Variants in VPS35L observed in about 807,000 individuals in gnomAD.
VPS35L encodes VPS35 endosomal protein sorting factor like.
In VPS35L, 83 loss-of-function variants were observed where a neutral mutation model predicts 133.0. The ratio of observed to expected loss-of-function variants is 0.62; its 90% CI spans 0.52 to 0.75. VPS35L has a LOEUF of 0.75. VPS35L is among the 30% of genes least tolerant of loss of function. The probability of loss-of-function intolerance (pLI) is 0.00; values close to 1 mark genes in which losing one functional copy is unlikely to be tolerated. For missense variants in VPS35L, 1,083 were observed against 1,206.8 expected (o/e 0.90, Z 1.52); for synonymous variants, 423 against 449.9 (o/e 0.94, Z 0.76).
At chr16:19,658,690 A>G (rs1003876958) in intron 26 of VPS35L, among the ~76,000 whole-genome samples, 2 of 151,948 alleles carry the variant, frequency 1.3e-5, no homozygotes, top group Admixed American at 1.3e-4. Flanking sequence ...GAAAGAGGAA[A>G]AAAAAAAAGA....
At chr16:19,696,673 G>C (rs1370068832) in intron 29 of VPS35L, among the ~76,000 whole-genome samples, 1 of 151,938 alleles carries the variant, frequency 6.6e-6, no homozygotes, top group East Asian at 1.9e-4. Context: ...ATATCAGCTG[G>C]CATGTGTCTC....
chr16:19,595,832 A>G (rs1972197553), intron 8 of VPS35L, among the ~76,000 whole-genome samples: 1 of 152,182 alleles, frequency 6.6e-6, no homozygotes, highest in Admixed American at 6.5e-5. Flanking sequence ...CCTTGGACAG[A>G]CTGTTTAGGT....
chr16:19,566,487 CT>C (rs1301456599), intron 2 of VPS35L, among the ~76,000 whole-genome samples: 8 of 152,102 alleles, frequency 5.3e-5, no homozygotes, highest in South Asian at 2.1e-4. Flanking sequence ...CAGAGAGAAA[CT>C]CCATCTCAAA....
chr16:19,608,296 G>A, intron 10 of VPS35L, 22 bp downstream of exon 10: 1 of 1,361,372 alleles, frequency 7.3e-7, no homozygotes, highest in Non-Finnish European at 1.0e-6. Flanking sequence ...TTTTTTTTTG[G>A]TCTGATGATT....
chr16:19,637,004 GA>G (rs1973642503), intron 19 of VPS35L, among the ~76,000 whole-genome samples: 1 of 152,212 alleles, frequency 6.6e-6, no homozygotes, highest in South Asian at 2.1e-4. Flanking sequence ...CGATGATGTA[GA>G]ATAGGGATTG....
intron 9 of VPS35L, 48 bp downstream of exon 9, chr16:19,601,771 A>C: frequency 6.3e-7 from 1 of 1,580,468 alleles, no homozygotes; most frequent in Non-Finnish European, 8.7e-7. Flanking sequence ...TGGAGTCAGG[A>C]CTAGAAGGCT....
intron 30 of VPS35L, 49 bp from the exon 31 acceptor site, chr16:19,700,329 C>T (rs1391959106): frequency 2.6e-6 from 4 of 1,523,698 alleles, no homozygotes; most frequent in Non-Finnish European, 3.6e-6. Flanking sequence ...GCCTTGGGCT[C>T]CAAGGATAAT....
chr16:19,588,981 A>G (rs954507696), intron 7 of VPS35L, among the ~76,000 whole-genome samples: 10 of 152,152 alleles, frequency 6.6e-5, no homozygotes, highest in African/African-American at 2.4e-4. Context: ...TTTTCCAGTC[A>G]TATTTTCTTG....
intron 3 of VPS35L, 72 bp from the exon 4 acceptor site, chr16:19,573,047 C>T: frequency 6.8e-7 from 1 of 1,480,218 alleles, no homozygotes; most frequent in Non-Finnish European, 9.2e-7. Flanking sequence ...TATCTGGCTT[C>T]TATTTATATA....
At chr16:19,596,430 A>T (rs1972217930) in intron 8 of VPS35L, among the ~76,000 whole-genome samples, 1 of 150,256 alleles carries the variant, frequency 6.7e-6, no homozygotes, top group African/African-American at 2.4e-5. Context: ...GTGTGCCACC[A>T]TGCCCAGCGA....
intron 26 of VPS35L, among the ~76,000 whole-genome samples, chr16:19,667,577 T>G (rs1478289960): frequency 6.6e-6 from 1 of 151,666 alleles, no homozygotes; most frequent in Admixed American, 6.6e-5. Context: ...CTACAAAAAA[T>G]ACAAAAATTA....
intron 12 of VPS35L, among the ~76,000 whole-genome samples, chr16:19,614,821 G>A (rs944037775): frequency 2.6e-5 from 4 of 152,154 alleles, no homozygotes; most frequent in East Asian, 1.9e-4. Flanking sequence ...ACTCCCCTCC[G>A]TAGCTCATCC....
chr16:19,595,466 G>A (rs1447013706), intron 8 of VPS35L, among the ~76,000 whole-genome samples: 1 of 152,116 alleles, frequency 6.6e-6, no homozygotes, highest in Non-Finnish European at 1.5e-5. Flanking sequence ...GTGGGGAGAG[G>A]CTGGTGGCTG....
intron 27 of VPS35L, among the ~76,000 whole-genome samples, chr16:19,676,270 A>G (rs759062627): frequency 5.3e-5 from 8 of 152,138 alleles, no homozygotes; most frequent in Non-Finnish European, 1.2e-4. Context: ...ACACACACAA[A>G]AAGAAAGGAT....
intron 19 of VPS35L, among the ~76,000 whole-genome samples, chr16:19,636,837 C>T (rs1187932527): frequency 1.3e-5 from 2 of 152,162 alleles, no homozygotes; most frequent in African/African-American, 2.4e-5. Flanking sequence ...GACTGTGCAT[C>T]GCAGAGTGAG....
chr16:19,624,000 C>T (rs1167294580), intron 14 of VPS35L, among the ~76,000 whole-genome samples: 4 of 149,414 alleles, frequency 2.7e-5, no homozygotes, highest in Middle Eastern at 3.5e-3. Flanking sequence ...GATGAGGTTT[C>T]GCCATGTTGC....
intron 26 of VPS35L, among the ~76,000 whole-genome samples, chr16:19,668,591 AGTGTGTGT>A (rs35546511): frequency 6.8e-6 from 1 of 147,400 alleles, no homozygotes. Flanking sequence ...CTTTAAGCTG[AGTGTGTGT>A]GTGTGTGTGT....
chr16:19,627,294 C>A (rs1213912075), intron 15 of VPS35L, among the ~76,000 whole-genome samples: 15 of 149,028 alleles, frequency 1.0e-4, no homozygotes, highest in South Asian at 2.1e-4. Context: ...AAAAAAAAAA[C>A]AAAAAAACCA....
At chr16:19,555,769 G>C (rs774061490) in intron 1 of VPS35L, 23 bp downstream of exon 1, 2 of 1,563,528 alleles carry the variant, frequency 1.3e-6, no homozygotes, top group Non-Finnish European at 1.7e-6. Flanking sequence ...CGGCGGGTGG[G>C]CTTTGGAGAG....
Sources: allele counts gnomAD v4.1 joint callset (sites outside exome capture counted in the v4.1 genomes callset), GRCh38; gene constraint gnomAD v4.1.1; transcripts MANE v1.5; gene names NCBI Gene and HGNC (gene_info 2026-07-23, HGNC 2026-07-21).